Variants in TRPC7 observed in about 807,000 individuals in gnomAD.
TRPC7 encodes the protein transient receptor potential cation channel subfamily C member 7, also known as short transient receptor potential channel 7.
In TRPC7, 42 loss-of-function variants were observed where a neutral mutation model predicts 90.1. The ratio of observed to expected loss-of-function variants is 0.47; its 90% confidence interval spans 0.36 to 0.60. TRPC7 has a LOEUF of 0.60. Among genes scored for constraint, TRPC7 ranks in the 20% least tolerant of loss-of-function variants. TRPC7 has a pLI of 0.00. For synonymous variants in TRPC7, 451 were observed against 436.3 expected, an observed-to-expected ratio of 1.03 and a Z score of -0.42; for missense variants, 955 against 1,112.3, an observed-to-expected ratio of 0.86 and a Z score of 2.01.
chr5:136,322,300 C>T (rs1431266902), intron 2 of TRPC7, among the ~76,000 whole-genome samples: 1 of 152,164 alleles, frequency 6.6e-6, no homozygotes, highest in East Asian at 1.9e-4. Context: ...AGGCATAAGC[C>T]ACCATACCTG....
intron 4 of TRPC7, among the ~76,000 whole-genome samples, chr5:136,274,111 G>A (rs1757287610): frequency 6.6e-6 from 1 of 152,118 alleles, no homozygotes; most frequent in African/African-American, 2.4e-5. Context: ...GAACCTCATC[G>A]AAGGGGCCAG....
At chr5:136,231,808 T>A (rs1439629451) in intron 7 of TRPC7, among the ~76,000 whole-genome samples, 9 of 152,170 alleles carry the variant, frequency 5.9e-5, no homozygotes, top group Non-Finnish European at 1.3e-4. Context: ...TCCCACTATG[T>A]CGCCCAGGCT....
intron 5 of TRPC7, among the ~76,000 whole-genome samples, chr5:136,253,493 C>T (rs1756591560): frequency 1.3e-5 from 2 of 152,178 alleles, no homozygotes; most frequent in East Asian, 3.9e-4. Context: ...TTTGGTAATT[C>T]TCACAATATT....
At chr5:136,272,181 C>T (rs925760364) in intron 4 of TRPC7, among the ~76,000 whole-genome samples, 4 of 152,192 alleles carry the variant, frequency 2.6e-5, no homozygotes, top group African/African-American at 9.7e-5. Context: ...AATGAGATCT[C>T]TGAAATGACA....
At chr5:136,321,788 T>C (rs1226534018) in intron 2 of TRPC7, among the ~76,000 whole-genome samples, 2 of 152,166 alleles carry the variant, frequency 1.3e-5, no homozygotes, top group Admixed American at 1.3e-4. Context: ...GCCTTACAAA[T>C]GGACTGATGT....
chr5:136,233,336 T>C (rs1045537554), intron 7 of TRPC7, among the ~76,000 whole-genome samples: 1 of 152,220 alleles, frequency 6.6e-6, no homozygotes, highest in Non-Finnish European at 1.5e-5. Flanking sequence ...CCTGGTGCTA[T>C]TCTGGAAGGG....
chr5:136,329,148 A>G (rs1050890421), intron 2 of TRPC7, among the ~76,000 whole-genome samples: 3 of 152,190 alleles, frequency 2.0e-5, no homozygotes, highest in Non-Finnish European at 4.4e-5. Flanking sequence ...GAAATCCCAG[A>G]AGTAATGGAT....
intron 3 of TRPC7, among the ~76,000 whole-genome samples, chr5:136,301,777 C>T (rs934171139): frequency 1.3e-5 from 2 of 152,240 alleles, no homozygotes; most frequent in Non-Finnish European, 2.9e-5. Context: ...GTGAAATAAA[C>T]AGCCATGTTG....
At chr5:136,301,251 T>G (rs1249577929) in intron 3 of TRPC7, among the ~76,000 whole-genome samples, 2 of 150,594 alleles carry the variant, frequency 1.3e-5, no homozygotes, top group African/African-American at 4.9e-5. Flanking sequence ...GCTCTCAAAC[T>G]CCTGACGTCA....
At chr5:136,361,799 G>A (rs1296138041) in intron 1 of TRPC7, among the ~76,000 whole-genome samples, 1 of 152,076 alleles carries the variant, frequency 6.6e-6, no homozygotes, top group African/African-American at 2.4e-5. Context: ...CTTCTCCCAA[G>A]AGTACATATT....
At chr5:136,315,913 G>A (rs1323318389) in intron 2 of TRPC7, 134 bp from the exon 3 acceptor site, 10 of 846,180 alleles carry the variant, frequency 1.2e-5, no homozygotes, top group Middle Eastern at 2.5e-4. Flanking sequence ...CTTATGGAAC[G>A]CAGCAGGATG....
At chr5:136,278,782 A>G (rs1045012392) in intron 3 of TRPC7, among the ~76,000 whole-genome samples, 2 of 152,140 alleles carry the variant, frequency 1.3e-5, no homozygotes, top group African/African-American at 4.8e-5. Context: ...ACCTTTTTGC[A>G]GCACTGCCTT....
intron 2 of TRPC7, among the ~76,000 whole-genome samples, chr5:136,342,905 TAGTC>T (rs1028311232): frequency 7.2e-5 from 11 of 152,018 alleles, no homozygotes; most frequent in Admixed American, 7.2e-4. Context: ...AATGGAGAAA[TAGTC>T]AGATAGAACA....
chr5:136,222,741 A>G (rs1304610273), intron 10 of TRPC7, among the ~76,000 whole-genome samples: 4 of 152,234 alleles, frequency 2.6e-5, no homozygotes, highest in Non-Finnish European at 5.9e-5. Flanking sequence ...CTACGAAGAT[A>G]AATAATAGGC....
intron 3 of TRPC7, among the ~76,000 whole-genome samples, chr5:136,308,143 C>T (rs1182249524): frequency 2.0e-5 from 3 of 152,186 alleles, no homozygotes; most frequent in African/African-American, 7.2e-5. Context: ...TCCATATTTA[C>T]ATATATACAT....
rs866111822 is a variant in TRPC7 at position 136,357,071 on chromosome 5, AC to A, written c.316del (p.Val106TrpfsTer32). Reference sequence around the variant, plus strand: ...GATGGCCAGCAGCAGCGCGTCCCCCACCCGTGCCAGGTTCTCCTTCTTCAGC... The same window carrying A: ...GATGGCCAGCAGCAGCGCGTCCCCCACCGTGCCAGGTTCTCCTTCTTCAGC... ...LLLKKENLAR[V>X]GDALLLAISK... On this transcript the variant is annotated frameshift_variant, in exon 2 of 12. Coordinates refer to ENST00000513104, the MANE Select transcript of TRPC7 (RefSeq NM_020389.3). LOFTEE classifies it high-confidence loss of function. 1.2e-6 allele frequency: 2 copies of A among 1,613,582 alleles called. No homozygotes were observed.
chr5:136,219,688 C>G (rs1755389244), intron 10 of TRPC7, among the ~76,000 whole-genome samples: 1 of 152,190 alleles, frequency 6.6e-6, no homozygotes, highest in South Asian at 2.1e-4. Flanking sequence ...ATTGCTTGAA[C>G]CTGGGAGGTA....
chr5:136,240,059 ACT>A, intron 7 of TRPC7, among the ~76,000 whole-genome samples: 1 of 151,974 alleles, frequency 6.6e-6, no homozygotes, highest in East Asian at 1.9e-4. Flanking sequence ...AGACTCTAAC[ACT>A]CTATCAGGAC....
At chr5:136,341,469 A>ATG (rs1331251672) in intron 2 of TRPC7, among the ~76,000 whole-genome samples, 1 of 87,916 alleles carries the variant, frequency 1.1e-5, no homozygotes, top group Non-Finnish European at 2.4e-5. Flanking sequence ...ACATATACAT[A>ATG]TATATACACA....
Sources: gnomAD v4.1 joint callset for allele counts (sites outside exome capture counted in the v4.1 genomes callset) on GRCh38, gnomAD v4.1.1 for gene constraint, MANE v1.5 for transcripts, NCBI Gene and HGNC (gene_info 2026-07-23, HGNC 2026-07-21) for gene names.